The following CFTR variants were observed in gnomAD, a reference collection of about 807,000 sequenced individuals.
CFTR encodes the protein cystic fibrosis transmembrane conductance regulator.
Under a neutral mutation model 171.6 loss-of-function variants are expected in CFTR, and 181 were observed. That is an observed-to-expected ratio of 1.05 (90% CI 0.93 to 1.19). The LOEUF is 1.19. CFTR is among the 50% of genes most tolerant of loss of function. The probability of loss-of-function intolerance (pLI) is 0.00; values close to 1 mark genes in which losing one functional copy is unlikely to be tolerated. For synonymous variants in CFTR, 583 were observed against 608.0 expected (o/e 0.96, Z 0.60); for missense variants, 1,968 against 1,734.7 (o/e 1.13, Z -2.39).
intron 18 of CFTR, among the ~76,000 whole-genome samples, chr7:117,609,112 T>C (rs1584820581): frequency 1.3e-5 from 2 of 152,318 alleles, no homozygotes; most frequent in Middle Eastern, 3.4e-3. Context: ...TTCTGTTCTT[T>C]GCTTCTTTGA....
intron 10 of CFTR, among the ~76,000 whole-genome samples, chr7:117,558,053 C>T (rs569671028): frequency 3.2e-4 from 49 of 152,118 alleles, no homozygotes; most frequent in African/African-American, 1.2e-3. Context: ...GCAACTATCA[C>T]CTCCTTTTGA....
chr7:117,665,499 G>A lies in CFTR; in HGVS notation c.4177G>A (p.Ala1393Thr). The A allele has an allele frequency of 6.2e-7, 1 of 1,613,056 alleles. No individual in the cohort carries two copies. Among genetic ancestry groups the A allele is most frequent in the Non-Finnish European group, 8.5e-7 (1 of 1,179,222 alleles). ...IIRRTLKQAFADCTVILCEHR... is the reference protein window; with the variant it reads ...IIRRTLKQAFTDCTVILCEHR... ...TAGAAGAACTCTAAAACAAGCATTT[G>A]CTGATTGCACAGTAATTCTCTGTGA... Residue 1393 changes from alanine (A) to threonine (T), a missense_variant, in exon 26 of 27, where the codon GCT becomes ACT. Ala to Thr is a moderately conservative substitution (Grantham distance 58). Coordinates refer to ENST00000003084, the MANE Select transcript of CFTR (RefSeq NM_000492.4).
intron 10 of CFTR, among the ~76,000 whole-genome samples, chr7:117,556,733 A>G (rs1799366808): frequency 1.3e-5 from 2 of 149,184 alleles, no homozygotes; most frequent in East Asian, 2.0e-4. Flanking sequence ...TTTAGCCGGG[A>G]TGGTCTCGAT....
rs1188513780 is a variant in CFTR at position 117,627,823 on chromosome 7, C to T, written c.3717+53C>T. ...TAGACTGTGTTCAGTAAGTGAATCC[C>T]AGTAGCCTGAAGCAATGTGTTAGCA... On this transcript the variant is annotated intron_variant, in intron 22 of 26. Transcript: ENST00000003084. The T allele has an allele frequency of 3.8e-6, 6 of 1,579,546 alleles. No individual in the cohort carries two copies. In the African/African-American group the frequency reaches 8.1e-5, roughly 21 times the overall value.
At chr7:117,496,084 G>A (rs1245442899) in intron 1 of CFTR, among the ~76,000 whole-genome samples, 1 of 152,096 alleles carries the variant, frequency 6.6e-6, no homozygotes, top group South Asian at 2.1e-4. Flanking sequence ...CATCTCTATA[G>A]ATTTGCCTGT....
At chr7:117,606,831 C>A (rs2116070185) in intron 18 of CFTR, 78 bp downstream of exon 18, 1 of 901,290 alleles carries the variant, frequency 1.1e-6, no homozygotes, top group South Asian at 1.3e-5. Context: ...ATTTTGTTTT[C>A]ATTTTTTATT....
chr7:117,560,713 T>C (rs943367886), intron 11 of CFTR: 2 of 152,052 alleles, frequency 1.3e-5, no homozygotes, highest in Non-Finnish European at 2.9e-5. Flanking sequence ...AAAAGCTACC[T>C]GCAAAAGTTT....
At chr7:117,557,424 T>A (rs911571642) in intron 10 of CFTR, among the ~76,000 whole-genome samples, 1 of 152,122 alleles carries the variant, frequency 6.6e-6, no homozygotes, top group Non-Finnish European at 1.5e-5. Flanking sequence ...TTCATGATAT[T>A]TAGGTCTTCT....
chr7:117,516,752 C>T (rs569417326), intron 3 of CFTR, among the ~76,000 whole-genome samples: 1 of 152,102 alleles, frequency 6.6e-6, no homozygotes, highest in African/African-American at 2.4e-5. Flanking sequence ...GTGAAATAAG[C>T]ACATCATAGA....
Position 117,642,575 on chromosome 7 carries a change from C to G in CFTR, c.3855C>G (p.Ala1285=), listed in dbSNP as rs747748817. The part of the protein sequence containing the change: ...DSITLQQWRK[A]FGVIPQKVFI... ...TAACTTTGCAACAGTGGAGGAAAGCCTTTGGAGTGATACCACAGGTGAGCA... is the reference window on the plus strand; with the variant it reads ...TAACTTTGCAACAGTGGAGGAAAGCGTTTGGAGTGATACCACAGGTGAGCA... The change falls in exon 23 of 27, where the codon GCC becomes GCG. Residue 1285 remains alanine, a synonymous_variant. Coordinates refer to ENST00000003084, the MANE Select transcript of CFTR (RefSeq NM_000492.4). 6 of 1,613,376 alleles carry G rather than the reference C, an allele frequency of 3.7e-6. No individual in the cohort carries two copies. The South Asian group carries it at 5.5e-5, about 15-fold the overall frequency.
In CFTR at chr7:117,480,087, G is replaced by C. The variant is rs1800501; in HGVS notation, c.-8G>C. On this transcript the variant is annotated 5_prime_UTR_variant, in exon 1 of 27. Transcript: ENST00000003084. ...GGCCCTAGCAGGGACCCCAGCGCCC[G>C]AGAGACCATGCAGAGGTCGCCTCTG... 0.052 allele frequency: 83,695 copies of C among 1,613,616 alleles called. 2,457 individuals are homozygous for C. Among genetic ancestry groups the C allele is most frequent in the East Asian group, 0.059 (2,628 of 44,858 alleles).
rs968889343 is a variant in CFTR at position 117,556,254 on chromosome 7, G to A, written c.1393-3210G>A. ...TAATTTTTGTATTTTTAGTAGAGAC[G>A]GGGTTTCACCATGTTGGCCAGGATG... On this transcript the variant is annotated intron_variant, in intron 10 of 26. Coordinates refer to ENST00000003084, the MANE Select transcript of CFTR (RefSeq NM_000492.4). Among the ~76,000 whole-genome samples the A allele has an allele frequency of 3.3e-5, 5 of 151,690 alleles. No individual in the cohort carries two copies. The South Asian group carries it at 6.2e-4, about 19-fold the overall frequency.
intron 23 of CFTR, among the ~76,000 whole-genome samples, chr7:117,651,567 C>T (rs1239726478): frequency 6.6e-6 from 1 of 152,112 alleles, no homozygotes; most frequent in Non-Finnish European, 1.5e-5. Context: ...GAGTCATATA[C>T]TCATCTCTTA....
intron 1 of CFTR, among the ~76,000 whole-genome samples, chr7:117,486,511 A>G (rs1798076869): frequency 6.6e-6 from 1 of 152,076 alleles, no homozygotes; most frequent in Non-Finnish European, 1.5e-5. Flanking sequence ...ATTCACACCT[A>G]AAGGAGGTTA....
In CFTR at chr7:117,480,028, G is replaced by A; in HGVS notation, c.-67G>A. The A allele has an allele frequency of 7.0e-7, 1 of 1,431,924 alleles. No homozygotes were observed. The highest frequency in any genetic ancestry group is 1.1e-5 in the South Asian group (1 of 87,548). The allele number at this position is 1,431,924 out of a possible 1,614,324, so 88.7% of individuals were successfully genotyped here. The stretch of plus-strand genomic sequence containing the variant: ...GGTTGAGCGGCAGGCACCCAGAGTA[G>A]TAGGTCTTTGGCATTAGGAGCTTGA... On this transcript the variant is annotated 5_prime_UTR_variant, in exon 1 of 27. Coordinates refer to ENST00000003084, the MANE Select transcript of CFTR (RefSeq NM_000492.4).
chr7:117,495,810 C>T (rs1343372216), intron 1 of CFTR, among the ~76,000 whole-genome samples: 2 of 152,124 alleles, frequency 1.3e-5, no homozygotes, highest in African/African-American at 2.4e-5. Context: ...TTTAGTAAAA[C>T]TTTCTAAAAT....
At chr7:117,632,193 C>T (rs749418688) in intron 22 of CFTR, among the ~76,000 whole-genome samples, 6 of 152,060 alleles carry the variant, frequency 3.9e-5, no homozygotes, top group South Asian at 4.1e-4. Context: ...AGGGTGTGAA[C>T]GGGGTCTGAG....
intron 23 of CFTR, among the ~76,000 whole-genome samples, chr7:117,644,818 T>C (rs539404580): frequency 1.1e-3 from 172 of 152,292 alleles, no homozygotes; most frequent in African/African-American, 4.0e-3. Flanking sequence ...TAATTTGTTC[T>C]GTGTTACCTG....
intron 1 of CFTR, among the ~76,000 whole-genome samples, chr7:117,490,478 G>C (rs190744864): frequency 7.9e-4 from 116 of 147,726 alleles, no homozygotes; most frequent in Middle Eastern, 6.8e-3. Flanking sequence ...AAGGCAGTCT[G>C]TTGGGGAATT....
Sources: allele counts gnomAD v4.1 joint callset (sites outside exome capture counted in the v4.1 genomes callset), GRCh38; gene constraint gnomAD v4.1.1; transcripts MANE v1.5; gene names NCBI Gene and HGNC (gene_info 2026-07-23, HGNC 2026-07-21).